The following ZNF398 variants were observed in gnomAD, a reference collection of about 807,000 sequenced individuals.
ZNF398 encodes zinc finger DNA binding protein ZER6.
In ZNF398, 18 loss-of-function variants were observed where a neutral mutation model predicts 41.9. The observed-to-expected ratio is 0.43, with a 90% CI of 0.30 to 0.64. The LOEUF is 0.64. Among genes scored for constraint, ZNF398 ranks in the 30% least tolerant of loss-of-function variants. The pLI, the probability that ZNF398 is intolerant of heterozygous loss-of-function variation, is 0.14. For synonymous variants in ZNF398, 260 were observed against 308.8 expected, an observed-to-expected ratio of 0.84 and a Z score of 1.66; for missense variants, 669 against 822.8, an observed-to-expected ratio of 0.81 and a Z score of 2.29.
chr7:149,141,296 C>CT (rs35880201), intron 2 of ZNF398, among the ~76,000 whole-genome samples: 20 of 133,882 alleles, frequency 1.5e-4, no homozygotes, highest in African/African-American at 1.9e-4. Context: ...AATCCACAGA[C>CT]TTTTTTTTTT....
chr7:149,135,475 A>G (rs1183580012), intron 2 of ZNF398, among the ~76,000 whole-genome samples: 3 of 151,908 alleles, frequency 2.0e-5, no homozygotes, highest in African/African-American at 4.8e-5. Context: ...ACGCAAAGTC[A>G]TAAGAATGAT....
chr7:149,156,971 A>G (rs893294202), intron 2 of ZNF398, among the ~76,000 whole-genome samples: 2 of 152,118 alleles, frequency 1.3e-5, no homozygotes, highest in Non-Finnish European at 2.9e-5. Context: ...GAAGAACCCA[A>G]CTTGCCCGAG....
chr7:149,172,822 C>T (rs575818563), intron 4 of ZNF398, among the ~76,000 whole-genome samples: 30 of 152,254 alleles, frequency 2.0e-4, no homozygotes, highest in East Asian at 1.4e-3. Flanking sequence ...AAGTGAATAT[C>T]ACAGTACAAG....
At chr7:149,127,435 G>C (rs1258974283) in intron 1 of ZNF398, among the ~76,000 whole-genome samples, 1 of 151,452 alleles carries the variant, frequency 6.6e-6, no homozygotes, top group South Asian at 2.1e-4. Flanking sequence ...GGATGGGCGC[G>C]GTGCCTCACG....
At chr7:149,134,686 A>G (rs972804600) in intron 2 of ZNF398, among the ~76,000 whole-genome samples, 5 of 152,224 alleles carry the variant, frequency 3.3e-5, no homozygotes, top group African/African-American at 1.2e-4. Flanking sequence ...TTGTTTAGAG[A>G]TGGAGTCTCA....
At chr7:149,131,454 G>A (rs1689279525) in intron 2 of ZNF398, among the ~76,000 whole-genome samples, 1 of 152,178 alleles carries the variant, frequency 6.6e-6, no homozygotes, top group Admixed American at 6.6e-5. Flanking sequence ...TTGGGAGGCA[G>A]AGGCTGATGG....
At chr7:149,132,349 C>G (rs1431152031) in intron 2 of ZNF398, among the ~76,000 whole-genome samples, 1 of 152,012 alleles carries the variant, frequency 6.6e-6, no homozygotes, top group Non-Finnish European at 1.5e-5. Context: ...CATGTGCCAC[C>G]ACGCCCTGCT....
chr7:149,139,567 A>G (rs772888004), intron 2 of ZNF398, among the ~76,000 whole-genome samples: 8 of 151,844 alleles, frequency 5.3e-5, no homozygotes, highest in Admixed American at 4.0e-4. Flanking sequence ...CTAAAAATAC[A>G]AAGATTAGCT....
At chr7:149,170,080 A>G (rs954574790) in intron 4 of ZNF398, among the ~76,000 whole-genome samples, 2 of 152,164 alleles carry the variant, frequency 1.3e-5, no homozygotes, top group African/African-American at 4.8e-5. Context: ...GGGGCTAATC[A>G]CATGCATACC....
chr7:149,174,355 A>G (rs532156063), intron 4 of ZNF398, among the ~76,000 whole-genome samples: 1 of 151,460 alleles, frequency 6.6e-6, no homozygotes, highest in Admixed American at 6.6e-5. Flanking sequence ...ACAGCCAACT[A>G]ATTTTTGTAT....
chr7:149,148,564 G>A, intron 1 of ZNF398: 1 of 811,762 alleles, frequency 1.2e-6, no homozygotes, highest in Non-Finnish European at 1.5e-6. Flanking sequence ...AAAGGAGGAA[G>A]AGCAGCGATG....
Position 149,179,725 on chromosome 7 carries a change from C to T in ZNF398, c.1853C>T (p.Ser618Phe). ...PGPLITGLET[S>F]GLGVNTEGLE... ...CCCCTCATAACTGGGCTTGAAACTT[C>T]TGGCCTGGGTGTCAACACTGAAGGT... Residue 618 changes from serine (S) to phenylalanine (F), a missense_variant, in exon 6 of 6, where the codon TCT becomes TTT. This residue lies in a region of ZNF398 where 210 missense variants were observed against 290.4 expected (regional missense o/e 0.72). Coordinates refer to ENST00000475153, the MANE Select transcript of ZNF398 (RefSeq NM_170686.3). The surrounding 1 kb of genome is among the most constrained non-coding windows in gnomAD (Gnocchi z 6.1). 1 of 1,613,978 alleles carries T rather than the reference C, an allele frequency of 6.2e-7. No homozygotes were observed. Among genetic ancestry groups the T allele is most frequent in the Non-Finnish European group, 8.5e-7 (1 of 1,179,900 alleles).
intron 1 of ZNF398, among the ~76,000 whole-genome samples, chr7:149,127,037 C>T (rs1307129702): frequency 1.3e-5 from 2 of 152,196 alleles, no homozygotes; most frequent in Non-Finnish European, 2.9e-5. Flanking sequence ...CACCCCTAGC[C>T]CCCGGCGGGA....
chr7:149,167,771 C>T (rs578188686), intron 4 of ZNF398, among the ~76,000 whole-genome samples: 9 of 151,410 alleles, frequency 5.9e-5, no homozygotes, highest in Admixed American at 1.3e-4. Context: ...CCACCACGTC[C>T]GGATAATTTT....
intron 1 of ZNF398, chr7:149,148,246 A>G (rs1827010998): frequency 6.0e-6 from 1 of 166,968 alleles, no homozygotes; most frequent in Non-Finnish European, 1.2e-5. Flanking sequence ...GACTCGGGAC[A>G]CGCGGGAGGC....
At chr7:149,138,201 C>CA (rs1208948059) in intron 2 of ZNF398, among the ~76,000 whole-genome samples, 142 of 72,726 alleles carry the variant, frequency 2.0e-3, no homozygotes, top group Middle Eastern at 0.011. Flanking sequence ...AACTCTGTCT[C>CA]AAAAAAAAAA....
intron 2 of ZNF398, among the ~76,000 whole-genome samples, chr7:149,138,057 T>C (rs1477332880): frequency 6.6e-6 from 1 of 151,604 alleles, no homozygotes; most frequent in Non-Finnish European, 1.5e-5. Context: ...AAAAATTAGT[T>C]GCGCATGGTG....
intron 2 of ZNF398, among the ~76,000 whole-genome samples, chr7:149,138,276 C>G (rs1826755291): frequency 6.7e-6 from 1 of 149,566 alleles, no homozygotes; most frequent in African/African-American, 2.5e-5. Context: ...ATAACAAAGG[C>G]AGGTTTCAAA....
intron 4 of ZNF398, among the ~76,000 whole-genome samples, chr7:149,168,076 A>G (rs1365431635): frequency 1.3e-5 from 2 of 151,798 alleles, no homozygotes; most frequent in African/African-American, 4.8e-5. Context: ...CCATCCGTCT[A>G]TTATTTATTT....
Sources: gnomAD v4.1 joint callset for allele counts (sites outside exome capture counted in the v4.1 genomes callset) on GRCh38, gnomAD v4.1.1 for gene constraint, gnomAD v4.1.1 regional missense constraint, Gnocchi (gnomAD v3.1) non-coding constraint, MANE v1.5 for transcripts, NCBI Gene and HGNC (gene_info 2026-07-23, HGNC 2026-07-21) for gene names.